The following LHFPL6 variants were observed in gnomAD, a reference collection of about 807,000 sequenced individuals.
The protein encoded by LHFPL6 is LHFPL tetraspan subfamily member 6 protein.
In LHFPL6, 9 loss-of-function variants were observed where a neutral mutation model predicts 20.6. That is an observed-to-expected ratio of 0.44 (90% CI 0.26 to 0.76). The LOEUF (loss-of-function observed/expected upper bound fraction) is 0.76, where lower values mean the gene tolerates loss of function less well. Ranked by LOEUF, LHFPL6 falls within the 30% of genes least tolerant of loss-of-function variation. The pLI is 0.20. For synonymous variants in LHFPL6, 105 were observed against 98.7 expected (o/e 1.06, Z -0.38); for missense variants, 218 against 253.5 (o/e 0.86, Z 0.95).
intron 1 of LHFPL6, 24 bp downstream of exon 1, chr13:39,602,858 CG>C (rs1351796818): frequency 6.6e-6 from 1 of 152,256 alleles, no homozygotes; most frequent in East Asian, 1.9e-4. Flanking sequence ...CCCACGCCCA[CG>C]GGGCAGCCGA....
At chr13:39,599,753 G>T (rs368053057) in intron 2 of LHFPL6, among the ~76,000 whole-genome samples, 216 of 152,280 alleles carry the variant, frequency 1.4e-3, no homozygotes, top group African/African-American at 5.1e-3. Flanking sequence ...TAAATACTCT[G>T]AAATAATCCA....
intron 2 of LHFPL6, among the ~76,000 whole-genome samples, chr13:39,507,241 C>T (rs536521118): frequency 1.2e-3 from 177 of 152,322 alleles, no homozygotes; most frequent in Non-Finnish European, 1.7e-3. Flanking sequence ...CACGTCCTTA[C>T]AAGCAGTGCT....
intron 2 of LHFPL6, among the ~76,000 whole-genome samples, chr13:39,523,677 A>T (rs890970136): frequency 6.6e-6 from 1 of 152,222 alleles, no homozygotes; most frequent in African/African-American, 2.4e-5. Flanking sequence ...GAGATGTAAC[A>T]GCCTGAGAAA....
intron 2 of LHFPL6, among the ~76,000 whole-genome samples, chr13:39,574,829 T>C (rs1872059295): frequency 1.3e-5 from 2 of 152,092 alleles, no homozygotes; most frequent in African/African-American, 4.8e-5. Context: ...CTTAGCACTT[T>C]GGGAGGCCGA....
chr13:39,387,960 C>T (rs1870609738), intron 2 of LHFPL6, among the ~76,000 whole-genome samples: 1 of 152,094 alleles, frequency 6.6e-6, no homozygotes, highest in Non-Finnish European at 1.5e-5. Context: ...TTCCTGGGGG[C>T]CGGTGAGTGA....
chr13:39,435,428 A>G (rs1052074615), intron 2 of LHFPL6, among the ~76,000 whole-genome samples: 1 of 152,226 alleles, frequency 6.6e-6, no homozygotes, highest in East Asian at 1.9e-4. Context: ...GCAGCTTCTC[A>G]ATACTTAAAG....
chr13:39,437,451 C>G (rs989490493), intron 2 of LHFPL6, among the ~76,000 whole-genome samples: 1 of 152,260 alleles, frequency 6.6e-6, no homozygotes, highest in Non-Finnish European at 1.5e-5. Context: ...ATGGGAAATG[C>G]CTTTCTCCCC....
At chr13:39,517,803 T>C (rs1869975518) in intron 2 of LHFPL6, among the ~76,000 whole-genome samples, 1 of 152,192 alleles carries the variant, frequency 6.6e-6, no homozygotes, top group East Asian at 1.9e-4. Context: ...ACTGGGATTA[T>C]AGGCATGAGC....
At chr13:39,489,290 TGAAA>T (rs1868833767) in intron 2 of LHFPL6, among the ~76,000 whole-genome samples, 1 of 152,004 alleles carries the variant, frequency 6.6e-6, no homozygotes, top group African/African-American at 2.4e-5. Context: ...TTTTCTAGAG[TGAAA>T]GAATCTCTTT....
At chr13:39,514,443 G>C (rs1869832780) in intron 2 of LHFPL6, among the ~76,000 whole-genome samples, 1 of 152,146 alleles carries the variant, frequency 6.6e-6, no homozygotes, top group Non-Finnish European at 1.5e-5. Flanking sequence ...AAAGTGCTCT[G>C]GCATCAACAC....
At chr13:39,547,989 G>A (rs1163525681) in intron 2 of LHFPL6, among the ~76,000 whole-genome samples, 1 of 151,858 alleles carries the variant, frequency 6.6e-6, no homozygotes, top group Non-Finnish European at 1.5e-5. Flanking sequence ...CCACTCCCTG[G>A]AAAATCAACA....
At chr13:39,595,273 T>A (rs552505603) in intron 2 of LHFPL6, among the ~76,000 whole-genome samples, 1 of 152,214 alleles carries the variant, frequency 6.6e-6, no homozygotes, top group South Asian at 2.1e-4. Flanking sequence ...TGGTGCTCAC[T>A]GTCAGCCGCC....
Position 39,464,575 on chromosome 13 carries a change from C to T in LHFPL6, c.386-86049G>A, listed in dbSNP as rs144262535. Among the ~76,000 whole-genome samples the T allele has an allele frequency of 3.3e-5, 5 of 152,196 alleles. No homozygotes were observed. The East Asian group carries it at 5.8e-4, about 18-fold the overall frequency. On this transcript the variant is annotated intron_variant, in intron 2 of 3. Coordinates refer to ENST00000379589, the MANE Select transcript of LHFPL6 (RefSeq NM_005780.3). ...CAAAAAATGTAGAGAAGCTCAAATC[C>T]GCACTTCTTTTATTCTATTCCATGA... is the stretch of plus-strand genomic sequence containing the variant.
intron 2 of LHFPL6, among the ~76,000 whole-genome samples, chr13:39,546,610 A>T (rs1486421191): frequency 6.6e-6 from 1 of 152,020 alleles, no homozygotes; most frequent in Non-Finnish European, 1.5e-5. Context: ...ACTAATCTGT[A>T]CCTTCCCATT....
intron 2 of LHFPL6, 40 bp from the exon 3 acceptor site, chr13:39,378,566 T>C (rs1870356418): frequency 6.9e-7 from 1 of 1,441,730 alleles, no homozygotes; most frequent in African/African-American, 1.4e-5. Context: ...CCAGTGCTTC[T>C]CTGCATCACT....
chr13:39,375,759 T>C (rs1870279593), intron 3 of LHFPL6, among the ~76,000 whole-genome samples: 1 of 144,036 alleles, frequency 6.9e-6, no homozygotes, highest in Admixed American at 6.7e-5. Context: ...TCTCTTTAGG[T>C]CTTCTTTTCA....
chr13:39,365,327 GTC>G (rs935934835), intron 3 of LHFPL6, among the ~76,000 whole-genome samples: 2 of 152,156 alleles, frequency 1.3e-5, no homozygotes, highest in African/African-American at 4.8e-5. Context: ...CCACCAAGCA[GTC>G]TCTGAATATA....
intron 2 of LHFPL6, among the ~76,000 whole-genome samples, chr13:39,477,394 A>G (rs947450909): frequency 2.0e-5 from 3 of 152,172 alleles, no homozygotes; most frequent in Non-Finnish European, 4.4e-5. Context: ...TTAGAATTCT[A>G]TTTGCATCTC....
At chr13:39,479,032 G>T (rs1424559824) in intron 2 of LHFPL6, among the ~76,000 whole-genome samples, 3 of 123,030 alleles carry the variant, frequency 2.4e-5, no homozygotes, top group African/African-American at 5.9e-5. Context: ...ATGGGAGATA[G>T]ATATAGATAG....
Sources: gnomAD v4.1 joint callset for allele counts (sites outside exome capture counted in the v4.1 genomes callset) on GRCh38, gnomAD v4.1.1 for gene constraint, MANE v1.5 for transcripts, NCBI Gene and HGNC (gene_info 2026-07-23, HGNC 2026-07-21) for gene names.